SOX5: variants seen among roughly 807,000 people sequenced by gnomAD.
The protein encoded by SOX5 is SRY-box transcription factor 5, also known as transcription factor SOX-5.
SOX5 carries 9 observed loss-of-function variants against 92.0 expected under a neutral mutation model. The observed-to-expected ratio is 0.10, with a 90% CI of 0.06 to 0.17. The LOEUF is 0.17. Among genes scored for constraint, SOX5 ranks in the 10% least tolerant of loss-of-function variants. The pLI is 1.00. For synonymous variants in SOX5, 344 were observed against 336.3 expected (o/e 1.02, Z -0.25); for missense variants, 642 against 944.5 (o/e 0.68, Z 4.20).
At chr12:24,455,348 A>G (rs1176557987) in intron 1 of SOX5, among the ~76,000 whole-genome samples, 1 of 152,214 alleles carries the variant, frequency 6.6e-6, no homozygotes, top group Non-Finnish European at 1.5e-5. Flanking sequence ...GGTGGCTTGT[A>G]TAACTATTAT....
chr12:23,593,236 C>T (rs925309291), intron 9 of SOX5, among the ~76,000 whole-genome samples: 1 of 152,134 alleles, frequency 6.6e-6, no homozygotes, highest in African/African-American at 2.4e-5. Context: ...ATTACACAGA[C>T]TCTAAACAAT....
At chr12:24,403,702 C>T (rs568528847) in intron 1 of SOX5, among the ~76,000 whole-genome samples, 30 of 152,304 alleles carry the variant, frequency 2.0e-4, no homozygotes, top group South Asian at 1.0e-3. Context: ...CTTAAAATCA[C>T]GGTTAGATCC....
intron 4 of SOX5, among the ~76,000 whole-genome samples, chr12:23,970,260 TGA>T (rs377706273): frequency 3.8e-4 from 58 of 152,236 alleles, no homozygotes; most frequent in Non-Finnish European, 6.8e-4. Flanking sequence ...ACAGTTTTGT[TGA>T]GATATAATTC....
upstream of SOX5, chr12:23,950,765 C>G (rs1945486654): frequency 2.9e-6 from 3 of 1,049,198 alleles, no homozygotes; most frequent in Non-Finnish European, 4.3e-6. Context: ...CATAGCAGTT[C>G]CAATTATCTA....
intron 7 of SOX5, among the ~76,000 whole-genome samples, chr12:23,660,263 G>A (rs1461985686): frequency 6.6e-6 from 1 of 152,132 alleles, no homozygotes; most frequent in Non-Finnish European, 1.5e-5. Context: ...TTTATCACTT[G>A]TAAATAACAT....
At chr12:24,404,372 C>T (rs1412291898) in intron 1 of SOX5, among the ~76,000 whole-genome samples, 1 of 152,156 alleles carries the variant, frequency 6.6e-6, no homozygotes, top group African/African-American at 2.4e-5. Flanking sequence ...GCTTCAGGAA[C>T]ATTTGAACCC....
rs998001349 is a variant in SOX5, at chr12:23,533,055, CAAT to C, written c.*1161_*1163del. 1 of 393,710 alleles carries C rather than the reference CAAT, an allele frequency of 2.5e-6. No individual in the cohort carries two copies. The highest frequency in any genetic ancestry group is 2.1e-5 in the African/African-American group (1 of 48,556). 24.4% of individuals were successfully genotyped at this position (393,710 alleles called of 1,614,324 possible). A position where few individuals can be genotyped will look rare whatever the true frequency, so the allele number is the denominator to read the frequency against. The stretch of plus-strand genomic sequence containing the variant: ...ATTACACAGGGCCACCTGATCCATC[CAAT>C]AATAATCAGACATTTAAAAATATAA... On this transcript the variant is annotated 3_prime_UTR_variant, in exon 15 of 15. Transcript: ENST00000451604.
intron 1 of SOX5, among the ~76,000 whole-genome samples, chr12:24,401,219 G>A (rs1473175031): frequency 6.6e-6 from 1 of 151,998 alleles, no homozygotes; most frequent in Non-Finnish European, 1.5e-5. Flanking sequence ...GGTCCTGGTG[G>A]CGTGTGCCTG....
intron 10 of SOX5, among the ~76,000 whole-genome samples, chr12:23,564,439 G>GGC (rs1946729753): frequency 6.6e-6 from 1 of 152,142 alleles, no homozygotes; most frequent in Non-Finnish European, 1.5e-5. Context: ...CCAGAAAAGG[G>GGC]ACTTGTTTGT....
intron 9 of SOX5, chr12:23,584,536 T>C (rs774409805): frequency 6.3e-7 from 1 of 1,585,084 alleles, no homozygotes; most frequent in South Asian, 1.1e-5. Flanking sequence ...TCATTCCCAG[T>C]GCTCACATAC....
chr12:24,132,435 T>C (rs1437564086), intron 4 of SOX5, among the ~76,000 whole-genome samples: 2 of 152,190 alleles, frequency 1.3e-5, no homozygotes, highest in African/African-American at 2.4e-5. Flanking sequence ...ATATTTTTAA[T>C]TCGTTTTGAC....
intron 2 of SOX5, among the ~76,000 whole-genome samples, chr12:24,333,851 T>TAAAAAAAA (rs5797076): frequency 7.2e-6 from 1 of 138,508 alleles, no homozygotes; most frequent in Non-Finnish European, 1.6e-5. Context: ...TTCACCAAGT[T>TAAAAAAAA]AAAAAAAAAA....
chr12:23,902,307 C>A (rs1447164887), intron 1 of SOX5, among the ~76,000 whole-genome samples: 1 of 151,994 alleles, frequency 6.6e-6, no homozygotes, highest in African/African-American at 2.4e-5. Flanking sequence ...TTTTAAGTTT[C>A]TTTCTTTAAA....
At chr12:23,794,102 A>G (rs1353551103) in intron 3 of SOX5, among the ~76,000 whole-genome samples, 1 of 152,184 alleles carries the variant, frequency 6.6e-6, no homozygotes, top group Non-Finnish European at 1.5e-5. Context: ...CAGAGAGGAA[A>G]AATATTTTAA....
At chr12:23,660,447 C>A (rs2082883951) in intron 7 of SOX5, among the ~76,000 whole-genome samples, 1 of 152,050 alleles carries the variant, frequency 6.6e-6, no homozygotes. Flanking sequence ...AAATCTGATC[C>A]CAAGTCCAGG....
intron 3 of SOX5, among the ~76,000 whole-genome samples, chr12:24,246,282 A>ATT (rs375919899): frequency 6.9e-6 from 1 of 145,876 alleles, no homozygotes; most frequent in African/African-American, 2.5e-5. Context: ...ACAGACACAG[A>ATT]TTTTTTTTTT....
chr12:23,951,093 A>AG, upstream of SOX5: 1 of 480,894 alleles, frequency 2.1e-6, no homozygotes, highest in Non-Finnish European at 3.8e-6. Context: ...AGGGAAAGAG[A>AG]GGAAAAAAAA....
chr12:23,687,101 A>G (rs2139941845), intron 6 of SOX5, among the ~76,000 whole-genome samples: 1 of 152,224 alleles, frequency 6.6e-6, no homozygotes, highest in South Asian at 2.1e-4. Flanking sequence ...ATACAGCACT[A>G]TGCCATCTAA....
intron 8 of SOX5, among the ~76,000 whole-genome samples, chr12:23,605,046 T>C (rs1211215463): frequency 1.3e-5 from 2 of 152,132 alleles, no homozygotes; most frequent in Non-Finnish European, 2.9e-5. Flanking sequence ...AAAAAGTACT[T>C]GAAGAAGATT....
Sources: allele counts gnomAD v4.1 joint callset (sites outside exome capture counted in the v4.1 genomes callset), GRCh38; gene constraint gnomAD v4.1.1; transcripts MANE v1.5; gene names NCBI Gene and HGNC (gene_info 2026-07-23, HGNC 2026-07-21).